BMP6: variants seen among roughly 807,000 people sequenced by gnomAD.
BMP6 encodes the protein bone morphogenetic protein 6.
A neutral mutation model predicts 54.1 loss-of-function variants in BMP6; 17 were observed. The ratio of observed to expected loss-of-function variants is 0.31; its 90% CI spans 0.22 to 0.47. The LOEUF is 0.47. Ranked by LOEUF, BMP6 falls within the 20% of genes least tolerant of loss-of-function variation. BMP6 has a pLI of 1.00. For missense variants in BMP6, 720 were observed against 690.4 expected (o/e 1.04, Z -0.48); for synonymous variants, 328 against 291.2 (o/e 1.13, Z -1.28).
intron 1 of BMP6, among the ~76,000 whole-genome samples, chr6:7,777,681 TAAA>T (rs71542882): frequency 1.4e-5 from 2 of 142,100 alleles, no homozygotes; most frequent in South Asian, 2.3e-4. Flanking sequence ...GCATCACTAA[TAAA>T]AAAAAAAAAG....
At chr6:7,810,937 G>T (rs767264665) in intron 1 of BMP6, among the ~76,000 whole-genome samples, 1 of 152,104 alleles carries the variant, frequency 6.6e-6, no homozygotes, top group African/African-American at 2.4e-5. Flanking sequence ...TTCAAACCCC[G>T]CCACAGCCAT....
At chr6:7,855,553 C>CTTTTTTTTTT in intron 2 of BMP6, among the ~76,000 whole-genome samples, 1 of 105,042 alleles carries the variant, frequency 9.5e-6, no homozygotes, top group African/African-American at 3.8e-5. Flanking sequence ...CTCTCTCTCT[C>CTTTTTTTTTT]TTTTTTTTTT....
intron 1 of BMP6, among the ~76,000 whole-genome samples, chr6:7,829,815 G>C (rs267179): frequency 0.89 from 135,177 of 152,138 alleles, 60,368 homozygotes; most frequent in East Asian, 1. Flanking sequence ...ATGTTACTAC[G>C]CCACAAGCAG....
intron 1 of BMP6, among the ~76,000 whole-genome samples, chr6:7,812,435 G>A (rs180812541): frequency 4.6e-5 from 7 of 152,108 alleles, no homozygotes; most frequent in Non-Finnish European, 1.0e-4. Context: ...GTCTCTCAAT[G>A]GAGAAAAGCT....
chr6:7,822,272 G>A (rs1435992099), intron 1 of BMP6, among the ~76,000 whole-genome samples: 1 of 152,184 alleles, frequency 6.6e-6, no homozygotes, highest in Non-Finnish European at 1.5e-5. Context: ...TGCCCGCCTT[G>A]GCCTCCCAAA....
At chr6:7,749,935 G>A (rs1382424150) in intron 1 of BMP6, among the ~76,000 whole-genome samples, 1 of 152,224 alleles carries the variant, frequency 6.6e-6, no homozygotes, top group Non-Finnish European at 1.5e-5. Flanking sequence ...TCATGGGCCA[G>A]ATTTTGAGAA....
At chr6:7,869,072 C>T (rs764913212) in intron 4 of BMP6, among the ~76,000 whole-genome samples, 2 of 152,028 alleles carry the variant, frequency 1.3e-5, no homozygotes, top group Admixed American at 6.5e-5. Flanking sequence ...CTCAGGCGCA[C>T]CCCCCCTGGG....
intron 1 of BMP6, among the ~76,000 whole-genome samples, chr6:7,790,682 T>C (rs1379222852): frequency 1.3e-5 from 2 of 152,288 alleles, no homozygotes; most frequent in East Asian, 3.9e-4. Flanking sequence ...GTTGATGGTG[T>C]TGGCAGAGTT....
intron 1 of BMP6, among the ~76,000 whole-genome samples, chr6:7,834,623 T>C (rs565434693): frequency 6.6e-6 from 1 of 151,930 alleles, no homozygotes; most frequent in Admixed American, 6.5e-5. Context: ...GTAGGATCAC[T>C]TGAGCCCAGG....
chr6:7,804,035 C>T (rs1228772269), intron 1 of BMP6, among the ~76,000 whole-genome samples: 1 of 152,126 alleles, frequency 6.6e-6, no homozygotes, highest in Non-Finnish European at 1.5e-5. Context: ...AGTTGGTGCC[C>T]TCCAATGAAT....
chr6:7,829,161 GTTTA>G (rs1366973966), intron 1 of BMP6, among the ~76,000 whole-genome samples: 1 of 152,206 alleles, frequency 6.6e-6, no homozygotes. Flanking sequence ...AGGATTTAGT[GTTTA>G]TTTAAGCTGC....
intron 1 of BMP6, among the ~76,000 whole-genome samples, chr6:7,813,397 G>T (rs1269841615): frequency 7.8e-6 from 1 of 127,662 alleles, no homozygotes; most frequent in Non-Finnish European, 1.6e-5. Context: ...CAAGGCAAGA[G>T]GTTGCTTAAC....
At chr6:7,812,708 G>C (rs910737139) in intron 1 of BMP6, among the ~76,000 whole-genome samples, 7 of 152,044 alleles carry the variant, frequency 4.6e-5, no homozygotes, top group African/African-American at 1.7e-4. Flanking sequence ...TATCAAAGTT[G>C]AATGTAAAAT....
At chr6:7,768,811 T>G (rs1187144260) in intron 1 of BMP6, among the ~76,000 whole-genome samples, 1 of 152,202 alleles carries the variant, frequency 6.6e-6, no homozygotes, top group African/African-American at 2.4e-5. Context: ...TTTCTCCCTC[T>G]CTTGAATTCC....
chr6:7,855,343 C>T (rs957150372), intron 2 of BMP6, among the ~76,000 whole-genome samples: 5 of 152,104 alleles, frequency 3.3e-5, no homozygotes, highest in African/African-American at 9.7e-5. Flanking sequence ...CCTCCCCAAG[C>T]TTACTGAGTC....
intron 1 of BMP6, among the ~76,000 whole-genome samples, chr6:7,749,612 C>T (rs1202558337): frequency 6.6e-6 from 1 of 152,096 alleles, no homozygotes; most frequent in Non-Finnish European, 1.5e-5. Context: ...TGGGACTCTC[C>T]TCTGAGGATG....
chr6:7,851,282 T>G (rs1051609705), intron 2 of BMP6, among the ~76,000 whole-genome samples: 1 of 152,214 alleles, frequency 6.6e-6, no homozygotes, highest in African/African-American at 2.4e-5. Context: ...CTTTAATAAC[T>G]CTCAGTAATA....
intron 1 of BMP6, among the ~76,000 whole-genome samples, chr6:7,819,281 A>G (rs1758573144): frequency 6.6e-6 from 1 of 152,182 alleles, no homozygotes. Flanking sequence ...GGAGAGGATG[A>G]TCGGTTGAAA....
intron 1 of BMP6, among the ~76,000 whole-genome samples, chr6:7,837,686 C>G (rs1015044029): frequency 1.1e-4 from 17 of 152,216 alleles, no homozygotes; most frequent in South Asian, 2.1e-4. Flanking sequence ...ATATTGGGTT[C>G]AGTGTACACT....
Sources: allele counts gnomAD v4.1 joint callset (sites outside exome capture counted in the v4.1 genomes callset), GRCh38; gene constraint gnomAD v4.1.1; transcripts MANE v1.5; gene names NCBI Gene and HGNC (gene_info 2026-07-23, HGNC 2026-07-21).